SPOP: variants seen among roughly 807,000 people sequenced by gnomAD.
SPOP encodes the protein speckle type BTB/POZ protein.
A neutral mutation model predicts 45.6 loss-of-function variants in SPOP; 11 were observed. That is an observed-to-expected ratio of 0.24 (90% confidence interval 0.15 to 0.40). The LOEUF is 0.40. Ranked by LOEUF, SPOP falls within the 10% of genes least tolerant of loss-of-function variation. The pLI is 1.00. For synonymous variants in SPOP, 166 were observed against 166.3 expected, an observed-to-expected ratio of 1.00 and a Z score of 0.01; for missense variants, 152 against 465.6, an observed-to-expected ratio of 0.33 and a Z score of 6.20.
At chr17:49,624,361 ACACG>A (rs745321330) in intron 1 of SPOP, among the ~76,000 whole-genome samples, 2 of 147,974 alleles carry the variant, frequency 1.4e-5, no homozygotes, top group Middle Eastern at 3.4e-3. Flanking sequence ...ACACACACAC[ACACG>A]GTAACTGTCA....
chr17:49,636,258 A>G (rs1407944886), intron 1 of SPOP: 1 of 152,184 alleles, frequency 6.6e-6, no homozygotes, highest in African/African-American at 2.4e-5. Context: ...TCAGCCTCCC[A>G]AAGTGCTGGG....
At chr17:49,607,145 A>G in intron 8 of SPOP, 105 bp downstream of exon 8, 1 of 1,494,582 alleles carries the variant, frequency 6.7e-7, no homozygotes, top group Non-Finnish European at 9.2e-7. Context: ...GGCCAAACCA[A>G]GATATATGCT....
intron 8 of SPOP, among the ~76,000 whole-genome samples, chr17:49,606,488 CTTTT>C (rs1283240129): frequency 8.7e-6 from 1 of 115,466 alleles, no homozygotes; most frequent in Non-Finnish European, 1.7e-5. Context: ...TTTCTTGTTT[CTTTT>C]TTCTTTTTTT....
intron 1 of SPOP, among the ~76,000 whole-genome samples, chr17:49,660,895 G>A (rs899238085): frequency 1.3e-5 from 2 of 152,216 alleles, no homozygotes; most frequent in Admixed American, 6.5e-5. Flanking sequence ...GAACCCGGGA[G>A]GCGGAGCTTG....
chr17:49,651,549 A>G (rs2143491300), intron 1 of SPOP, among the ~76,000 whole-genome samples: 1 of 152,332 alleles, frequency 6.6e-6, no homozygotes, highest in Admixed American at 6.5e-5. Flanking sequence ...ACTGATTAAA[A>G]CAGCACAGAC....
intron 1 of SPOP, among the ~76,000 whole-genome samples, chr17:49,625,527 G>T (rs1238610089): frequency 6.6e-6 from 1 of 152,190 alleles, no homozygotes; most frequent in Non-Finnish European, 1.5e-5. Flanking sequence ...AGAATCGCTT[G>T]AACCTGGGAG....
chr17:49,674,554 A>G (rs1380206160), intron 1 of SPOP, among the ~76,000 whole-genome samples: 2 of 152,250 alleles, frequency 1.3e-5, no homozygotes, highest in African/African-American at 4.8e-5. Flanking sequence ...CTCATAGTGA[A>G]GTATTCTGCT....
intron 1 of SPOP, among the ~76,000 whole-genome samples, chr17:49,656,730 C>CCATTA (rs1249708991): frequency 2.0e-5 from 3 of 152,126 alleles, no homozygotes; most frequent in Non-Finnish European, 4.4e-5. Context: ...TACTAAGAAC[C>CCATTA]CATTAGCTGC....
chr17:49,604,727 C>T (rs555339501), intron 8 of SPOP, among the ~76,000 whole-genome samples: 3 of 152,322 alleles, frequency 2.0e-5, no homozygotes, highest in Admixed American at 1.3e-4. Flanking sequence ...AGGGTAAACA[C>T]CAATTCTTTC....
chr17:49,610,605 G>T (rs1567772742), intron 6 of SPOP, among the ~76,000 whole-genome samples: 1 of 152,236 alleles, frequency 6.6e-6, no homozygotes, highest in Admixed American at 6.5e-5. Flanking sequence ...TTTACCAGGT[G>T]TGTACTTTAG....
At chr17:49,658,371 C>T (rs1204290532) in intron 1 of SPOP, among the ~76,000 whole-genome samples, 1 of 152,076 alleles carries the variant, frequency 6.6e-6, no homozygotes. Flanking sequence ...AAAGCAAATA[C>T]TTTTATTCTG....
At chr17:49,655,639 T>C (rs966672987) in intron 1 of SPOP, among the ~76,000 whole-genome samples, 2 of 152,184 alleles carry the variant, frequency 1.3e-5, no homozygotes, top group Admixed American at 6.5e-5. Context: ...AGCCTGGACA[T>C]AGATTAAAAG....
At chr17:49,654,775 ACT>A (rs954575061) in intron 1 of SPOP, among the ~76,000 whole-genome samples, 8 of 152,080 alleles carry the variant, frequency 5.3e-5, no homozygotes, top group African/African-American at 1.9e-4. Flanking sequence ...ACAGAGTGAG[ACT>A]CTGTCTCAAA....
intron 1 of SPOP, among the ~76,000 whole-genome samples, chr17:49,674,794 T>C (rs1179516256): frequency 1.3e-5 from 2 of 152,240 alleles, no homozygotes; most frequent in Non-Finnish European, 2.9e-5. Context: ...TATAGGTTTT[T>C]TATGTCTTCC....
intron 1 of SPOP, among the ~76,000 whole-genome samples, chr17:49,653,434 A>G (rs1052608653): frequency 3.9e-5 from 6 of 152,038 alleles, no homozygotes; most frequent in African/African-American, 1.4e-4. Flanking sequence ...AATACAAATA[A>G]TATTTTCCCT....
intron 1 of SPOP, among the ~76,000 whole-genome samples, chr17:49,627,507 G>C (rs1333032441): frequency 6.6e-6 from 1 of 152,020 alleles, no homozygotes; most frequent in African/African-American, 2.4e-5. Context: ...CATTAGTTAA[G>C]AACAAAAAAT....
At chr17:49,669,082 T>G (rs1301948375) in intron 1 of SPOP, among the ~76,000 whole-genome samples, 2 of 138,148 alleles carry the variant, frequency 1.4e-5, no homozygotes, top group African/African-American at 2.7e-5. Flanking sequence ...GGCCTTTTTT[T>G]TTTGAGATGA....
At position 49,619,164 on chromosome 17, in the gene SPOP, C is replaced by T. The variant is rs2143266870; in HGVS notation, c.353-56G>A. 1 of 1,613,464 alleles carries T rather than the reference C, an allele frequency of 6.2e-7. No individual in the cohort carries two copies. Among genetic ancestry groups the T allele is most frequent in the Non-Finnish European group, 8.5e-7 (1 of 1,179,810 alleles). On this transcript the variant is annotated intron_variant, in intron 4 of 9. Transcript: ENST00000504102. This position sits in a 1 kb window ranked among gnomAD's most constrained non-coding sequence, Gnocchi z 4.9. ...AGGTTACGCAAAAACCAGATCAAAG[C>T]CACAACTTGTCAGTGTATGAAACTT... is the stretch of plus-strand genomic sequence containing the variant.
At chr17:49,632,360 G>C (rs1434078054) in intron 1 of SPOP, among the ~76,000 whole-genome samples, 1 of 152,112 alleles carries the variant, frequency 6.6e-6, no homozygotes, top group East Asian at 1.9e-4. Context: ...GCTATGGGGG[G>C]AGTTCCTGAA....
Sources: gnomAD v4.1 joint callset for allele counts (sites outside exome capture counted in the v4.1 genomes callset) on GRCh38, gnomAD v4.1.1 for gene constraint, Gnocchi (gnomAD v3.1) non-coding constraint, MANE v1.5 for transcripts, NCBI Gene and HGNC (gene_info 2026-07-23, HGNC 2026-07-21) for gene names.